RPL17: variants seen among roughly 807,000 people sequenced by gnomAD.
RPL17 encodes large ribosomal subunit protein uL22.
Under a neutral mutation model 27.7 loss-of-function variants are expected in RPL17, and 2 were observed. The observed-to-expected ratio is 0.07, with a 90% confidence interval of 0.03 to 0.23. The LOEUF is 0.23. RPL17 is among the 10% of genes least tolerant of loss of function. The pLI, the probability that RPL17 is intolerant of heterozygous loss-of-function variation, is 1.00. For synonymous variants in RPL17, 76 were observed against 75.5 expected, an observed-to-expected ratio of 1.01 and a Z score of -0.03; for missense variants, 141 against 238.8, an observed-to-expected ratio of 0.59 and a Z score of 2.70.
chr18:49,491,997 T>C, intron 1 of RPL17: 1 of 357,734 alleles, frequency 2.8e-6, no homozygotes, highest in Non-Finnish European at 5.5e-6. Context: ...GTGAGTGCCG[T>C]CTCTCTCAAC....
intron 6 of RPL17, 90 bp downstream of exon 6, chr18:49,489,269 T>C (rs1258980854): frequency 4.9e-6 from 7 of 1,414,400 alleles, no homozygotes; most frequent in South Asian, 1.2e-5. Context: ...TTTTCTTTCA[T>C]AGTTATTCCA....
intron 3 of RPL17, chr18:49,491,190 C>T (rs992702933): frequency 1.1e-6 from 1 of 932,602 alleles, no homozygotes; most frequent in Non-Finnish European, 1.7e-6. Flanking sequence ...TTGATCTGCA[C>T]ACTAGGTTTT....
In RPL17 at chr18:49,488,676, A is replaced by G. The variant is rs566152221; in HGVS notation, c.508-110T>C. 2.9e-5 allele frequency: 20 copies of G among 681,776 alleles called. No homozygotes were observed. In the East Asian group the frequency reaches 4.7e-4, roughly 16 times the overall value. 42.2% of individuals were successfully genotyped at this position (681,776 alleles called of 1,614,324 possible). On this transcript the variant is annotated intron_variant, in intron 6 of 6. Transcript: ENST00000580261. ...CCTAGTCGTTAAGGACTAAGGGGGAAAAATACTTAAATGGTAGAAATCAAC... is the reference window on the plus strand; with the variant it reads ...CCTAGTCGTTAAGGACTAAGGGGGAGAAATACTTAAATGGTAGAAATCAAC...
intron 5 of RPL17, 91 bp from the exon 6 acceptor site, chr18:49,489,641 T>C: frequency 1.4e-6 from 2 of 1,389,550 alleles, no homozygotes; most frequent in South Asian, 2.5e-5. Context: ...ATTCCCAGGC[T>C]TGCTCCAGAG....
chr18:49,491,613 A>G, intron 1 of RPL17, 29 bp from the exon 2 acceptor site: 1 of 1,612,144 alleles, frequency 6.2e-7, no homozygotes, highest in South Asian at 1.1e-5. Flanking sequence ...TAATTCTGTC[A>G]ATACGTACTT....
chr18:49,492,143 G>A (rs1282371217), intron 1 of RPL17: 1 of 163,188 alleles, frequency 6.1e-6, no homozygotes, highest in Non-Finnish European at 1.4e-5. Flanking sequence ...CTAGACACCG[G>A]ACCTCCGGAG....
At chr18:49,491,852 C>A in intron 1 of RPL17, 1 of 625,836 alleles carries the variant, frequency 1.6e-6, no homozygotes. Flanking sequence ...GAAAATACAG[C>A]CTGTTTCAAT....
chr18:49,491,130 T>C, intron 3 of RPL17: 1 of 923,382 alleles, frequency 1.1e-6, no homozygotes. Context: ...TTATTCACTA[T>C]AAAACGTTTA....
chr18:49,491,750 G>A (rs1225544771), intron 1 of RPL17, 166 bp from the exon 2 acceptor site: 5 of 935,092 alleles, frequency 5.3e-6, no homozygotes, highest in African/African-American at 3.2e-5. Context: ...CCCCACCAAG[G>A]GCTTGCTTTC....
intron 3 of RPL17, 189 bp from the exon 4 acceptor site, chr18:49,491,116 C>T: frequency 1.0e-6 from 1 of 983,108 alleles, no homozygotes; most frequent in Admixed American, 2.2e-5. Context: ...CTCCAAAACT[C>T]CATTTATTCA....
chr18:49,489,087 G>A (rs1250623200), intron 6 of RPL17: 1 of 297,624 alleles, frequency 3.4e-6, no homozygotes, highest in East Asian at 8.0e-5. Context: ...ATTTTTAGTA[G>A]AGACGGGGTT....
At chr18:49,488,929 C>T (rs1447615245) in intron 6 of RPL17, among the ~76,000 whole-genome samples, 4 of 150,110 alleles carry the variant, frequency 2.7e-5, no homozygotes, top group Admixed American at 6.7e-5. Flanking sequence ...GACAGCGTCT[C>T]GCTCTGTCAC....
chr18:49,490,019 T>C (rs1191248438), intron 5 of RPL17, among the ~76,000 whole-genome samples: 1 of 152,258 alleles, frequency 6.6e-6, no homozygotes, highest in African/African-American at 2.4e-5. Context: ...TTTAAACTTT[T>C]TGAAATTTTA....
Position 49,490,777 on chromosome 18 carries a change from A to C in RPL17, c.216+16T>G. The C allele has an allele frequency of 6.2e-7, 1 of 1,612,758 alleles. No homozygotes were observed. The highest frequency in any genetic ancestry group is 8.5e-7 in the Non-Finnish European group (1 of 1,179,470). On this transcript the variant is annotated intron_variant, in intron 4 of 6. Coordinates refer to ENST00000580261, the MANE Select transcript of RPL17 (RefSeq NM_001035006.5). The stretch of plus-strand genomic sequence containing the variant: ...ATTAAAATCTGTCTTTTCAAATGGC[A>C]ACTAAGAATTCTCACCTGCGCACAC...
intron 4 of RPL17, 76 bp from the exon 5 acceptor site, chr18:49,490,628 A>G: frequency 2.5e-6 from 4 of 1,604,634 alleles, no homozygotes; most frequent in East Asian, 2.2e-5. Context: ...TTTATCTGAT[A>G]TCACGGTTTC....
At chr18:49,491,228 A>C (rs1202969292) in intron 3 of RPL17, 177 bp downstream of exon 3, 5 of 1,116,092 alleles carry the variant, frequency 4.5e-6, no homozygotes, top group Non-Finnish European at 6.8e-6. Flanking sequence ...CTACTTCTCA[A>C]TTTCACAAAC....
At position 49,490,483 on chromosome 18, in the gene RPL17, T is replaced by G; in HGVS notation, c.286A>C (p.Lys96Gln). 2 of 1,613,996 alleles carry G rather than the reference T, an allele frequency of 1.2e-6. No individual in the cohort carries two copies. Among genetic ancestry groups the G allele is most frequent in the Non-Finnish European group, 1.7e-6 (2 of 1,179,882 alleles). The change falls in exon 5 of 7, where the codon AAA (lysine) becomes CAA (glutamine). Residue 96 changes from lysine to glutamine, a missense_variant. By Grantham distance (53) the Lys-to-Gln change is moderately conservative. Around this residue, in one of 2 missense-constraint regions of RPL17, gnomAD observed 107 missense variants for 150.1 expected, o/e 0.71. Transcript: ENST00000580261. Reference protein sequence around the residue: ...KSAEFLLHMLKNAESNAELKG... With the variant: ...KSAEFLLHMLQNAESNAELKG... ...AGTTCAGCATTACTCTCTGCGTTTT[T>G]AAGCATGTGCAGCAAAAATTCAGCA...
At chr18:49,489,061 G>A in intron 6 of RPL17, 1 of 282,932 alleles carries the variant, frequency 3.5e-6, no homozygotes, top group Non-Finnish European at 6.9e-6. Context: ...ACCACGCCCA[G>A]CTAATTTTTT....
chr18:49,491,054 T>TA (rs2084035921), intron 3 of RPL17, 127 bp from the exon 4 acceptor site: 2 of 1,462,050 alleles, frequency 1.4e-6, no homozygotes, highest in Middle Eastern at 2.2e-4. Flanking sequence ...GCAAGGCAAT[T>TA]AAAAAAACTT....
Sources: allele counts gnomAD v4.1 joint callset (sites outside exome capture counted in the v4.1 genomes callset), GRCh38; gene constraint gnomAD v4.1.1; regional missense constraint gnomAD v4.1.1; transcripts MANE v1.5; gene names NCBI Gene and HGNC (gene_info 2026-07-23, HGNC 2026-07-21).